Variants in NPY observed in about 807,000 individuals in gnomAD.
The protein encoded by NPY is pro-neuropeptide Y.
In NPY, 11 loss-of-function variants were observed where a neutral mutation model predicts 13.2. The observed-to-expected ratio is 0.83, with a 90% CI of 0.52 to 1.38. NPY has a LOEUF of 1.38. Ranked by LOEUF, NPY falls within the 40% of genes most tolerant of loss-of-function variation. The probability of loss-of-function intolerance (pLI) is 0.00; values close to 1 mark genes in which losing one functional copy is unlikely to be tolerated. For synonymous variants in NPY, 51 were observed against 55.6 expected (o/e 0.92, Z 0.37); for missense variants, 109 against 125.1 (o/e 0.87, Z 0.61).
In NPY at chr7:24,285,685, TCTC is replaced by T. The variant is rs1396198069; in HGVS notation, c.188+261_188+263del. 6.6e-6 allele frequency among the ~76,000 whole-genome samples: 1 copy of T among 151,988 alleles called. No homozygotes were observed. Among genetic ancestry groups the T allele is most frequent in the Non-Finnish European group, 1.5e-5 (1 of 67,996 alleles). ...GTTCCCCAGGCTGGTAGGCTGGCAA[TCTC>T]CTCTCACTCACCTCTTATGGTTTGT... On this transcript the variant is annotated intron_variant, in intron 2 of 3. Transcript: ENST00000242152. The surrounding 1 kb of genome is among the most constrained non-coding windows in gnomAD (Gnocchi z 4.9).
intron 3 of NPY, among the ~76,000 whole-genome samples, 199 bp from the exon 4 acceptor site, chr7:24,291,464 C>T (rs1221427123): frequency 9.2e-5 from 14 of 152,198 alleles, no homozygotes; most frequent in African/African-American, 3.4e-4. Context: ...TCGTGGAATG[C>T]TGCTCAGCTG....
intron 2 of NPY, among the ~76,000 whole-genome samples, chr7:24,288,657 G>A (rs1387458875): frequency 8.1e-6 from 1 of 122,910 alleles, no homozygotes; most frequent in South Asian, 2.9e-4. Context: ...TTACCTGTAT[G>A]TATTGTCTCA....
chr7:24,288,285 C>A (rs1285336327), intron 2 of NPY, among the ~76,000 whole-genome samples: 1 of 152,126 alleles, frequency 6.6e-6, no homozygotes, highest in Admixed American at 6.5e-5. Flanking sequence ...TATCGCAACT[C>A]CAGAAAATCT....
rs374888753 is a variant in NPY, at chr7:24,285,349, G to A, written c.109G>A (p.Gly37Ser). The A allele has an allele frequency of 5.0e-6, 8 of 1,613,950 alleles. No individual in the cohort carries two copies. Among genetic ancestry groups the A allele is most frequent in the African/African-American group, 2.7e-5 (2 of 74,908 alleles). ...EAYPSKPDNP[G>S]EDAPAEDMAR... The stretch of plus-strand genomic sequence containing the variant: ...GTACCCCTCCAAGCCGGACAACCCG[G>A]GCGAGGACGCACCAGCGGAGGACAT... Residue 37 changes from glycine (G) to serine (S), a missense_variant, in exon 2 of 4, where the codon GGC becomes AGC. Physicochemically the swap from Gly to Ser is moderately conservative, Grantham distance 56 (BLOSUM62 0). Coordinates refer to ENST00000242152, the MANE Select transcript of NPY (RefSeq NM_000905.4). The surrounding 1 kb of genome is among the most constrained non-coding windows in gnomAD (Gnocchi z 4.9).
In NPY at chr7:24,291,756, T is replaced by G; in HGVS notation, c.*69T>G. ...CATATTTCATCGTGTAAAACGAGAA[T>G]CCACCCATCCTACCAATGCATGCAG... On this transcript the variant is annotated 3_prime_UTR_variant, in exon 4 of 4. Coordinates refer to ENST00000242152, the MANE Select transcript of NPY (RefSeq NM_000905.4). 2.5e-6 allele frequency: 4 copies of G among 1,574,650 alleles called. No individual in the cohort carries two copies. Among genetic ancestry groups the G allele is most frequent in the Non-Finnish European group, 3.5e-6 (4 of 1,144,790 alleles).
intron 2 of NPY, among the ~76,000 whole-genome samples, chr7:24,289,062 T>C (rs2128233323): frequency 6.6e-6 from 1 of 152,336 alleles, no homozygotes; most frequent in East Asian, 1.9e-4. Flanking sequence ...AAATATCATC[T>C]GGTCTCCTTG....
intron 2 of NPY, among the ~76,000 whole-genome samples, chr7:24,288,687 G>GAAAAAAAAA (rs59946765): frequency 6.7e-5 from 6 of 89,028 alleles, no homozygotes; most frequent in Non-Finnish European, 7.1e-5. Context: ...TGCTACAGGA[G>GAAAAAAAAA]AAAAAAAAAA....
chr7:24,288,172 G>A (rs573870410), intron 2 of NPY, among the ~76,000 whole-genome samples: 1 of 152,336 alleles, frequency 6.6e-6, no homozygotes, highest in African/African-American at 2.4e-5. Flanking sequence ...ACTCACTGGA[G>A]CATGATGAAG....
Position 24,291,663 on chromosome 7 carries a change from G to A in NPY, c.270G>A (p.Arg90=), listed in dbSNP as rs750804439. The change falls in exon 4 of 4, where the codon CGG becomes CGA. Residue 90 remains arginine, a splice_region_variant and synonymous_variant. Coordinates refer to ENST00000242152, the MANE Select transcript of NPY (RefSeq NM_000905.4). ...ATGCTTTGCTTCTTATGTTTTACAG[G>A]CTTGAAGACCCTGCAATGTGGTGAT... ...RESTENVPRT[R]LEDPAMW 3 of 1,613,954 alleles carry A rather than the reference G, an allele frequency of 1.9e-6. No homozygotes were observed. Among genetic ancestry groups the A allele is most frequent in the Non-Finnish European group, 2.5e-6 (3 of 1,179,984 alleles).
chr7:24,289,517 C>G lies in NPY; in HGVS notation c.207C>G (p.Ser69Arg). The G allele has an allele frequency of 6.2e-7, 1 of 1,609,322 alleles. No individual in the cohort carries two copies. The highest frequency in any genetic ancestry group is 8.5e-7 in the Non-Finnish European group (1 of 1,177,704). The change falls in exon 3 of 4, where the codon AGC becomes AGG. Residue 69 changes from serine to arginine, a missense_variant. Coordinates refer to ENST00000242152, the MANE Select transcript of NPY (RefSeq NM_000905.4). ...TTTCCAGATATGGAAAACGATCCAG[C>G]CCAGAGACACTGATTTCAGACCTCT... Reference protein sequence around the residue: ...ITRQRYGKRSSPETLISDLLM... With the variant: ...ITRQRYGKRSRPETLISDLLM...
In NPY at chr7:24,291,741, C is replaced by T. The variant is rs1316432304; in HGVS notation, c.*54C>T. 5.0e-6 allele frequency: 8 copies of T among 1,606,148 alleles called. No homozygotes were observed. Among genetic ancestry groups the T allele is most frequent in the African/African-American group, 1.3e-5 (1 of 74,736 alleles). On this transcript the variant is annotated 3_prime_UTR_variant, in exon 4 of 4. Coordinates refer to ENST00000242152, the MANE Select transcript of NPY (RefSeq NM_000905.4). ...TTCCTATTTTCAGCCCATATTTCAT[C>T]GTGTAAAACGAGAATCCACCCATCC...
rs1787329774 is a variant in NPY, at chr7:24,285,541, G to C, written c.188+113G>C. 2 of 1,101,824 alleles carry C rather than the reference G, an allele frequency of 1.8e-6. No individual in the cohort carries two copies. Among genetic ancestry groups the C allele is most frequent in the Non-Finnish European group, 2.6e-6 (2 of 772,170 alleles). The allele number at this position is 1,101,824 out of a possible 1,614,324, so 68.3% of individuals were successfully genotyped here. The stretch of plus-strand genomic sequence containing the variant: ...TTTCCTTCGCTCTATCCCAGGGCAG[G>C]ACAGTATCAGGCACTTAGTCAGCTC... On this transcript the variant is annotated intron_variant, in intron 2 of 3. Coordinates refer to ENST00000242152, the MANE Select transcript of NPY (RefSeq NM_000905.4). The surrounding 1 kb of genome is among the most constrained non-coding windows in gnomAD (Gnocchi z 4.9).
rs1347544751 is a variant in NPY at position 24,291,700 on chromosome 7, C to G, written c.*13C>G. ...TGCAATGTGGTGATGGGAAATGAGA[C>G]TTGCTCTCTGGCCTTTTCCTATTTT... On this transcript the variant is annotated 3_prime_UTR_variant, in exon 4 of 4. Coordinates refer to ENST00000242152, the MANE Select transcript of NPY (RefSeq NM_000905.4). The G allele has an allele frequency of 1.9e-6, 3 of 1,614,006 alleles. No homozygotes were observed. The East Asian group carries it at 6.7e-5, about 36-fold the overall frequency.
intron 3 of NPY, among the ~76,000 whole-genome samples, chr7:24,290,047 T>G (rs551354413): frequency 7.9e-5 from 12 of 152,254 alleles, no homozygotes; most frequent in Admixed American, 7.2e-4. Flanking sequence ...AAGCTGTAGG[T>G]AAATTAGGTG....
At position 24,285,365 on chromosome 7, in the gene NPY, C is replaced by A; in HGVS notation, c.125C>A (p.Ala42Glu). 6.2e-7 allele frequency: 1 copy of A among 1,614,062 alleles called. No individual in the cohort carries two copies. Among genetic ancestry groups the A allele is most frequent in the Non-Finnish European group, 8.5e-7 (1 of 1,180,032 alleles). ...KPDNPGEDAP[A>E]EDMARYYSAL... is the part of the protein sequence containing the mutation. ...GACAACCCGGGCGAGGACGCACCAG[C>A]GGAGGACATGGCCAGATACTACTCG... The change falls in exon 2 of 4, where the codon GCG (alanine) becomes GAG (glutamate). Residue 42 changes from alanine to glutamate, a missense_variant. Transcript: ENST00000242152. The surrounding 1 kb of genome is among the most constrained non-coding windows in gnomAD (Gnocchi z 4.9).
At chr7:24,284,976 C>T (rs2128231704) in intron 1 of NPY, 2 of 553,972 alleles carry the variant, frequency 3.6e-6, no homozygotes, top group Admixed American at 3.2e-5. Flanking sequence ...GCACTCTCGC[C>T]GCGCGCTTCT....
chr7:24,287,887 A>G (rs1037393498), intron 2 of NPY, among the ~76,000 whole-genome samples: 1 of 152,030 alleles, frequency 6.6e-6, no homozygotes, highest in Admixed American at 6.6e-5. Flanking sequence ...GACCAATTAA[A>G]TCAGACCCTC....
chr7:24,289,642 C>A, intron 3 of NPY, 63 bp downstream of exon 3: 2 of 1,330,074 alleles, frequency 1.5e-6, no homozygotes, highest in Non-Finnish European at 2.1e-6. Flanking sequence ...GGAGGGAAGT[C>A]AGAGACAGGT....
At chr7:24,289,775 T>C (rs1787534581) in intron 3 of NPY, among the ~76,000 whole-genome samples, 196 bp downstream of exon 3, 1 of 152,194 alleles carries the variant, frequency 6.6e-6, no homozygotes, top group Non-Finnish European at 1.5e-5. Context: ...TAAACTTCTG[T>C]GGAATAACAT....
Sources: allele counts gnomAD v4.1 joint callset (sites outside exome capture counted in the v4.1 genomes callset), GRCh38; gene constraint gnomAD v4.1.1; non-coding constraint Gnocchi (gnomAD v3.1); transcripts MANE v1.5; gene names NCBI Gene and HGNC (gene_info 2026-07-23, HGNC 2026-07-21).